The following LARGE1 variants were observed in gnomAD, a reference collection of about 807,000 sequenced individuals.
LARGE1 encodes the protein xylosyl- and glucuronyltransferase LARGE1.
LARGE1 carries 43 observed loss-of-function variants against 87.6 expected under a neutral mutation model. The observed-to-expected ratio is 0.49, with a 90% confidence interval of 0.38 to 0.63. LARGE1 has a LOEUF of 0.63. Among genes scored for constraint, LARGE1 ranks in the 30% least tolerant of loss-of-function variants. LARGE1 has a pLI of 0.00. For synonymous variants in LARGE1, 434 were observed against 394.6 expected (o/e 1.10, Z -1.18); for missense variants, 802 against 1,000.2 (o/e 0.80, Z 2.67).
At chr22:33,306,173 A>G (rs935000658) in intron 11 of LARGE1, among the ~76,000 whole-genome samples, 4 of 152,166 alleles carry the variant, frequency 2.6e-5, no homozygotes, top group African/African-American at 9.7e-5. Flanking sequence ...AAAGGCATGC[A>G]TTCTCCATGA....
chr22:33,328,777 T>G (rs1937462127), intron 10 of LARGE1, among the ~76,000 whole-genome samples: 1 of 152,036 alleles, frequency 6.6e-6, no homozygotes, highest in Non-Finnish European at 1.5e-5. Context: ...CATAGCTACA[T>G]CCATTTGGGA....
intron 1 of LARGE1, among the ~76,000 whole-genome samples, chr22:33,891,561 G>A (rs145984913): frequency 1.3e-5 from 2 of 152,214 alleles, no homozygotes; most frequent in African/African-American, 2.4e-5. Flanking sequence ...TCTCTGGCTT[G>A]GTTAATTTAC....
intron 2 of LARGE1, among the ~76,000 whole-genome samples, chr22:33,726,483 G>A (rs559398685): frequency 4.7e-4 from 72 of 152,170 alleles, no homozygotes; most frequent in African/African-American, 7.2e-4. Flanking sequence ...ATAAATACTC[G>A]TAAACACGTG....
chr22:33,895,945 CTTACAATT>C (rs61328790), intron 1 of LARGE1, among the ~76,000 whole-genome samples: 6,779 of 152,168 alleles, frequency 0.045, 171 homozygotes, highest in East Asian at 0.16. Context: ...TCACATAAAA[CTTACAATT>C]TTACCCATTT....
chr22:33,757,525 A>G (rs1038304675), intron 2 of LARGE1, among the ~76,000 whole-genome samples: 1 of 152,172 alleles, frequency 6.6e-6, no homozygotes, highest in Non-Finnish European at 1.5e-5. Flanking sequence ...ATCCTGAGAC[A>G]GCTGACCCCC....
chr22:33,531,096 C>T (rs1000868857), intron 6 of LARGE1, among the ~76,000 whole-genome samples: 2 of 152,212 alleles, frequency 1.3e-5, no homozygotes, highest in African/African-American at 4.8e-5. Flanking sequence ...CTGACAACAT[C>T]AAGCCAGTAG....
chr22:33,788,186 C>T (rs2085712214), intron 1 of LARGE1, among the ~76,000 whole-genome samples: 3 of 152,178 alleles, frequency 2.0e-5, no homozygotes, highest in Admixed American at 2.0e-4. Flanking sequence ...TTTCCCCATA[C>T]TGTGCTCGTG....
chr22:33,436,879 A>C (rs1265788675), intron 6 of LARGE1, among the ~76,000 whole-genome samples: 1 of 152,140 alleles, frequency 6.6e-6, no homozygotes, highest in Non-Finnish European at 1.5e-5. Context: ...TTTTGGTGCT[A>C]GGAAGAGCCA....
chr22:33,498,286 T>C (rs1311400142), intron 6 of LARGE1, among the ~76,000 whole-genome samples: 2 of 152,174 alleles, frequency 1.3e-5, no homozygotes, highest in African/African-American at 4.8e-5. Flanking sequence ...TTAACTTTTT[T>C]TGCAAATTGC....
the LARGE1 span, among the ~76,000 whole-genome samples, chr22:33,144,779 T>C: frequency 1.5e-4 from 23 of 152,218 alleles, no homozygotes; most frequent in African/African-American, 5.5e-4. Flanking sequence ...CATGTAGAGA[T>C]AGAGCAGTAG....
At chr22:33,562,024 CA>C (rs1177715621) in intron 6 of LARGE1, among the ~76,000 whole-genome samples, 1 of 152,226 alleles carries the variant, frequency 6.6e-6, no homozygotes, top group Non-Finnish European at 1.5e-5. Flanking sequence ...AGCCAGGCCA[CA>C]TTGTATCAAC....
chr22:33,693,894 G>C (rs2082170809), intron 2 of LARGE1, among the ~76,000 whole-genome samples: 1 of 152,190 alleles, frequency 6.6e-6, no homozygotes, highest in Non-Finnish European at 1.5e-5. Context: ...ACGCTGTAGG[G>C]TGTGCCTGTG....
the LARGE1 span, among the ~76,000 whole-genome samples, chr22:33,074,490 C>G: frequency 1.3e-5 from 2 of 152,104 alleles, no homozygotes; most frequent in African/African-American, 4.8e-5. Flanking sequence ...TCCTGACCAA[C>G]ATGGTGAAAC....
intron 7 of LARGE1, among the ~76,000 whole-genome samples, chr22:33,399,191 G>A (rs943825750): frequency 6.6e-6 from 1 of 151,414 alleles, no homozygotes; most frequent in Non-Finnish European, 1.5e-5. Flanking sequence ...CTGTGTCCAT[G>A]TGTTCTCATT....
At chr22:33,221,013 C>G (rs1316096226) in intron 11 of LARGE1, among the ~76,000 whole-genome samples, 1 of 152,092 alleles carries the variant, frequency 6.6e-6, no homozygotes, top group Non-Finnish European at 1.5e-5. Flanking sequence ...AGGGAAGATT[C>G]CTGTGGGACC....
chr22:33,336,097 G>T (rs1569068938), intron 10 of LARGE1, among the ~76,000 whole-genome samples: 1 of 152,220 alleles, frequency 6.6e-6, no homozygotes, highest in Non-Finnish European at 1.5e-5. Context: ...CAAGGAAAGA[G>T]CAGAGTGCAA....
chr22:33,531,300 G>A (rs1028437227), intron 6 of LARGE1, among the ~76,000 whole-genome samples: 8 of 152,056 alleles, frequency 5.3e-5, no homozygotes, highest in Non-Finnish European at 1.0e-4. Flanking sequence ...TGGGATTACA[G>A]GTGCCCGCCA....
At chr22:33,426,263 C>T (rs924184849) in intron 7 of LARGE1, among the ~76,000 whole-genome samples, 1 of 152,154 alleles carries the variant, frequency 6.6e-6, no homozygotes, top group African/African-American at 2.4e-5. Context: ...TGGTATCACC[C>T]ATTTAAAAAA....
At chr22:33,307,892 G>T (rs1356789932) in intron 11 of LARGE1, among the ~76,000 whole-genome samples, 9 of 151,854 alleles carry the variant, frequency 5.9e-5, no homozygotes, top group African/African-American at 1.7e-4. Context: ...TTCCCTAAGG[G>T]TCGTCCCCGT....
Sources: gnomAD v4.1 joint callset for allele counts (sites outside exome capture counted in the v4.1 genomes callset) on GRCh38, gnomAD v4.1.1 for gene constraint, MANE v1.5 for transcripts, NCBI Gene and HGNC (gene_info 2026-07-23, HGNC 2026-07-21) for gene names.